The following AP4S1 variants were observed in gnomAD, a reference collection of about 807,000 sequenced individuals.
AP4S1 encodes the protein AP-4 complex subunit sigma-1.
A neutral mutation model predicts 19.8 loss-of-function variants in AP4S1; 23 were observed. The observed-to-expected ratio is 1.16, with a 90% CI of 0.84 to 1.65. The LOEUF is 1.65. Among genes scored for constraint, AP4S1 ranks in the 40% most tolerant of loss-of-function variants. The probability of loss-of-function intolerance (pLI) is 0.00; values close to 1 mark genes in which losing one functional copy is unlikely to be tolerated. For missense variants in AP4S1, 166 were observed against 172.8 expected, an observed-to-expected ratio of 0.96 and a Z score of 0.22; for synonymous variants, 46 against 54.1, an observed-to-expected ratio of 0.85 and a Z score of 0.66.
intron 5 of AP4S1, 58 bp downstream of exon 5, chr14:31,080,642 CAGGTAAGTACCACA>C: frequency 1.2e-6 from 2 of 1,611,684 alleles, no homozygotes; most frequent in Non-Finnish European, 1.7e-6. Context: ...TGGTCCTTAT[CAGGTAAGTACCACA>C]AGGCAGGAAA....
chr14:31,069,282 A>G lies in AP4S1; in HGVS notation c.139-561A>G, dbSNP rs373052556. Among the ~76,000 whole-genome samples, 107 of 152,320 alleles carry G rather than the reference A, an allele frequency of 7.0e-4. 1 individual carries two copies. Among genetic ancestry groups the G allele is most frequent in the African/African-American group, 2.5e-3 (103 of 41,578 alleles). ...CATATGAAGCAATGTTTACAATGCG[A>G]GATTTTGTCTAGCATCTGCCACAAA... On this transcript the variant is annotated intron_variant, in intron 2 of 5. Coordinates refer to ENST00000542754, the MANE Select transcript of AP4S1 (RefSeq NM_001128126.3).
Position 31,065,531 on chromosome 14 carries a change from G to A in AP4S1, c.-71-595G>A, listed in dbSNP as rs139783486. On this transcript the variant is annotated intron_variant, in intron 1 of 5. Coordinates refer to ENST00000542754, the MANE Select transcript of AP4S1 (RefSeq NM_001128126.3). The stretch of plus-strand genomic sequence containing the variant: ...ACATTCTTCTGGTGCTTGACACATC[G>A]TTGTTACCCAGCAAAATGAATGAGT... Among the ~76,000 whole-genome samples, 458 of 152,300 alleles carry A rather than the reference G, an allele frequency of 3.0e-3. 3 individuals are homozygous for A. The highest frequency in any genetic ancestry group is 0.01 in the African/African-American group (431 of 41,568).
chr14:31,054,102 AT>A (rs1198993900), intron 1 of AP4S1, among the ~76,000 whole-genome samples: 1 of 152,152 alleles, frequency 6.6e-6, no homozygotes, highest in Non-Finnish European at 1.5e-5. Context: ...TTCAGTTAAC[AT>A]TTATTGGATG....
At chr14:31,082,858 T>C (rs1029831554) in intron 5 of AP4S1, among the ~76,000 whole-genome samples, 7 of 149,362 alleles carry the variant, frequency 4.7e-5, no homozygotes, top group Non-Finnish European at 8.9e-5. Context: ...ATTGCGCCAC[T>C]GCACTCCAGC....
chr14:31,072,113 G>T (rs1887045611), intron 3 of AP4S1, among the ~76,000 whole-genome samples: 2 of 151,460 alleles, frequency 1.3e-5, no homozygotes. Flanking sequence ...GCTAATTTTT[G>T]TATTTTTAGT....
chr14:31,081,836 A>G (rs1342705576), intron 5 of AP4S1, among the ~76,000 whole-genome samples: 2 of 151,546 alleles, frequency 1.3e-5, no homozygotes, highest in African/African-American at 4.8e-5. Context: ...TTCTGGGCGT[A>G]GTGTCTGATG....
intron 1 of AP4S1, among the ~76,000 whole-genome samples, chr14:31,032,352 T>G (rs1884448325): frequency 6.6e-6 from 1 of 152,180 alleles, no homozygotes; most frequent in African/African-American, 2.4e-5. Flanking sequence ...TTCATGTGCA[T>G]GTATGATGTC....
chr14:31,045,435 G>A (rs181090152), intron 1 of AP4S1, among the ~76,000 whole-genome samples: 1 of 152,226 alleles, frequency 6.6e-6, no homozygotes, highest in African/African-American at 2.4e-5. Flanking sequence ...GAGCGAGTGT[G>A]ATAGTGAGTG....
chr14:31,055,124 T>A (rs1352966835), intron 1 of AP4S1, among the ~76,000 whole-genome samples: 1 of 150,306 alleles, frequency 6.7e-6, no homozygotes, highest in African/African-American at 2.4e-5. Context: ...TTACATTATA[T>A]ATATATATTA....
intron 4 of AP4S1, among the ~76,000 whole-genome samples, chr14:31,078,235 A>T (rs971242895): frequency 6.6e-6 from 1 of 152,218 alleles, no homozygotes; most frequent in Non-Finnish European, 1.5e-5. Context: ...ATTGCTTGGC[A>T]AGAGCACCAT....
Position 31,084,766 on chromosome 14 carries a change from T to A in AP4S1, c.306+4182T>A, listed in dbSNP as rs913347896. ...ATTTTATGAATTAAGGTGTTTTTTT[T>A]AGGAACCAATTGATGAACTTCCCAA... On this transcript the variant is annotated intron_variant, in intron 5 of 5. Transcript: ENST00000542754. 1.2e-5 allele frequency: 19 copies of A among 1,614,048 alleles called. No homozygotes were observed. The highest frequency in any genetic ancestry group is 3.3e-4 in the Middle Eastern group (2 of 6,082).
At position 31,072,971 on chromosome 14, in the gene AP4S1, G is replaced by C; in HGVS notation, c.292G>C (p.Val98Leu). The change falls in exon 4 of 6, where the codon GTG becomes CTG. Residue 98 changes from valine to leucine, a missense_variant and splice_region_variant. By Grantham distance (32) the Val-to-Leu change is conservative. Coordinates refer to ENST00000542754, the MANE Select transcript of AP4S1 (RefSeq NM_001128126.3). ...VEVLDEYFSR[V>L]SELDIMFNLD... The stretch of plus-strand genomic sequence containing the variant: ...AGTTTTAGATGAGTATTTCAGCCGA[G>C]TGGTAAGTCTAATGGCTAAAAAATG... The C allele has an allele frequency of 3.1e-6, 5 of 1,613,530 alleles. No homozygotes were observed. Among genetic ancestry groups the C allele is most frequent in the Non-Finnish European group, 4.2e-6 (5 of 1,179,476 alleles).
chr14:31,025,459 G>A (rs1419804828), upstream of AP4S1: 2 of 155,422 alleles, frequency 1.3e-5, no homozygotes, highest in South Asian at 2.4e-4. Flanking sequence ...GGAAAGGGGG[G>A]TGGTCCGGAA....
Position 31,030,628 on chromosome 14 carries a change from C to T in AP4S1, c.-72+4841C>T, listed in dbSNP as rs77723473. Among the ~76,000 whole-genome samples, 791 of 152,264 alleles carry T rather than the reference C, an allele frequency of 5.2e-3. 3 individuals carry two copies. Among genetic ancestry groups the T allele is most frequent in the African/African-American group, 0.018 (732 of 41,558 alleles). The stretch of plus-strand genomic sequence containing the variant: ...CGTCCCAAAGTGGTAAGATTACAGG[C>T]ATAAGCCACTGAGCCCAGCCCGTTT... On this transcript the variant is annotated intron_variant, in intron 1 of 5. Coordinates refer to ENST00000542754, the MANE Select transcript of AP4S1 (RefSeq NM_001128126.3).
In AP4S1 at chr14:31,051,945, G is replaced by A. The variant is rs145956540; in HGVS notation, c.-71-14181G>A. Among the ~76,000 whole-genome samples, 1,088 of 152,254 alleles carry A rather than the reference G, an allele frequency of 7.1e-3. 13 individuals are homozygous for A. The highest frequency in any genetic ancestry group is 0.025 in the African/African-American group (1,020 of 41,544). On this transcript the variant is annotated intron_variant, in intron 1 of 5. Coordinates refer to ENST00000542754, the MANE Select transcript of AP4S1 (RefSeq NM_001128126.3). Reference sequence around the variant, plus strand: ...CAAAGTGCTGGGATTACAGGCATGAGCCACGATGCCCGGTCCATATTCATT... The same window carrying A: ...CAAAGTGCTGGGATTACAGGCATGAACCACGATGCCCGGTCCATATTCATT...
chr14:31,051,004 C>T (rs1327073476), intron 1 of AP4S1, among the ~76,000 whole-genome samples: 2 of 151,846 alleles, frequency 1.3e-5, no homozygotes, highest in Admixed American at 6.6e-5. Flanking sequence ...GACTGTATTC[C>T]AGCACTTCAG....
chr14:31,025,914 G>T, intron 1 of AP4S1, 127 bp downstream of exon 1: 1 of 1,600,978 alleles, frequency 6.2e-7, no homozygotes, highest in East Asian at 2.3e-5. Flanking sequence ...CTGCAGTTCG[G>T]CCCGTTCCAC....
intron 2 of AP4S1, among the ~76,000 whole-genome samples, 167 bp downstream of exon 2, chr14:31,066,501 T>C (rs996872226): frequency 3.0e-4 from 45 of 152,328 alleles, no homozygotes; most frequent in African/African-American, 1.0e-3. Flanking sequence ...TAGCTCTCTT[T>C]ACATCCCTTT....
chr14:31,073,920 G>A (rs1887201131), intron 4 of AP4S1, among the ~76,000 whole-genome samples: 1 of 151,990 alleles, frequency 6.6e-6, no homozygotes, highest in Admixed American at 6.6e-5. Context: ...TTGTTTTGAG[G>A]GTCAAAAGTC....
Sources: allele counts gnomAD v4.1 joint callset (sites outside exome capture counted in the v4.1 genomes callset), GRCh38; gene constraint gnomAD v4.1.1; transcripts MANE v1.5; gene names NCBI Gene and HGNC (gene_info 2026-07-23, HGNC 2026-07-21).